The following PLCH2 variants were observed in gnomAD, a reference collection of about 807,000 sequenced individuals.
PLCH2 encodes phospholipase C eta 2.
PLCH2 carries 98 observed loss-of-function variants against 134.7 expected under a neutral mutation model. The observed-to-expected ratio is 0.73, with a 90% CI of 0.62 to 0.86. The LOEUF is 0.86. Among genes scored for constraint, PLCH2 ranks in the 40% least tolerant of loss-of-function variants. PLCH2 has a pLI of 0.00. For missense variants in PLCH2, 1,994 were observed against 1,986.6 expected (o/e 1.00, Z -0.07); for synonymous variants, 974 against 827.5 (o/e 1.18, Z -3.04).
At chr1:2,435,284 G>A (rs1639276658) in intron 2 of PLCH2, among the ~76,000 whole-genome samples, 1 of 152,200 alleles carries the variant, frequency 6.6e-6, no homozygotes, top group Non-Finnish European at 1.5e-5. Context: ...TGGGGGGTGG[G>A]GCCCGGTTGC....
intron 2 of PLCH2, among the ~76,000 whole-genome samples, chr1:2,433,860 C>T (rs901075075): frequency 1.1e-4 from 16 of 152,248 alleles, no homozygotes; most frequent in African/African-American, 2.9e-4. Context: ...ACTCCCTCCA[C>T]GGATGTGCCC....
the PLCH2 span, among the ~76,000 whole-genome samples, chr1:2,416,839 G>A: frequency 3.0e-4 from 45 of 152,166 alleles, no homozygotes; most frequent in Admixed American, 2.9e-3. Flanking sequence ...CAGGTGGTCC[G>A]GGGCTCTGCC....
chr1:2,503,964 G>A lies in PLCH2; in HGVS notation c.3002G>A (p.Cys1001Tyr), dbSNP rs1291358331. 6.7e-7 allele frequency: 1 copy of A among 1,485,156 alleles called. No homozygotes were observed. Among genetic ancestry groups the A allele is most frequent in the African/African-American group, 1.4e-5 (1 of 69,208 alleles). The allele number at this position is 1,485,156 out of a possible 1,614,324, so 92.0% of individuals were successfully genotyped here. Residue 1001 changes from cysteine to tyrosine, a missense_variant, in exon 22 of 22, where the codon TGC (cysteine) becomes TAC (tyrosine). Transcript: ENST00000378486. ...ACGCAGCGGCCACTCCCCCCACTGT[G>A]CAGCCTGGAAACCATCGCTGAGGAG... is the stretch of plus-strand genomic sequence containing the variant. ...LSTQRPLPPL[C>Y]SLETIAEEPA...
At chr1:2,475,269 G>C (rs1459103468), upstream of PLCH2, among the ~76,000 whole-genome samples, 4 of 152,358 alleles carry the variant, frequency 2.6e-5, 1 homozygote, top group South Asian at 8.3e-4. Flanking sequence ...TCCTCCCCTG[G>C]TATGGGGGGA....
At chr1:2,473,034 C>T (rs556302997), upstream of PLCH2, among the ~76,000 whole-genome samples, 32 of 152,232 alleles carry the variant, frequency 2.1e-4, no homozygotes, top group South Asian at 1.0e-3. Context: ...TGATGACAGC[C>T]GCGAGGCCCA....
At chr1:2,464,125 T>C (rs1458886709), upstream of PLCH2, among the ~76,000 whole-genome samples, 1 of 152,176 alleles carries the variant, frequency 6.6e-6, no homozygotes, top group East Asian at 1.9e-4. Context: ...CGGCACAGGG[T>C]GCTGCCCACT....
At chr1:2,499,929 GC>G (rs1461363216) in intron 20 of PLCH2, 1 of 609,172 alleles carries the variant, frequency 1.6e-6, no homozygotes, top group African/African-American at 1.8e-5. Context: ...TGATCTCAGG[GC>G]TGGCTTTGGG....
At chr1:2,455,849 C>G (rs898107025) in intron 2 of PLCH2, among the ~76,000 whole-genome samples, 12 of 152,228 alleles carry the variant, frequency 7.9e-5, no homozygotes, top group African/African-American at 2.9e-4. Flanking sequence ...TCTTCACCCT[C>G]CATACCTGTT....
chr1:2,504,184 C>G lies in PLCH2; in HGVS notation c.3222C>G (p.Ser1074Arg). ...GGGCATACGAGAGGGCCCCCGGCAG[C>G]CAGACGGACGGCAGGAGCCAGCCCC... is the stretch of plus-strand genomic sequence containing the variant. ...AGGAYERAPG[S>R]QTDGRSQPRT... Residue 1074 changes from serine (S) to arginine (R), a missense_variant, in exon 22 of 22, where the codon AGC (serine) becomes AGG (arginine). Physicochemically the swap from Ser to Arg is moderately radical, Grantham distance 110. This residue lies in a region of PLCH2 where 900 missense variants were observed against 752.3 expected (regional missense o/e 1.20). Coordinates refer to ENST00000378486, the MANE Select transcript of PLCH2 (RefSeq NM_014638.4). 6.5e-7 allele frequency: 1 copy of G among 1,542,306 alleles called. No individual in the cohort carries two copies. Among genetic ancestry groups the G allele is most frequent in the Non-Finnish European group, 8.7e-7 (1 of 1,145,108 alleles).
At chr1:2,424,847 A>G (rs536026401), upstream of PLCH2, among the ~76,000 whole-genome samples, 61 of 152,250 alleles carry the variant, frequency 4.0e-4, no homozygotes, top group Non-Finnish European at 5.3e-4. Context: ...TTAGCTGGGC[A>G]TGGTGGCGGG....
rs543573414 is a variant in PLCH2 at position 2,451,010 on chromosome 1, C to T, written c.115+20381C>T. ...GGACCCCCGCCTGTGCTAGGGATGT[C>T]GGCTCCCAGGACACAGCCCTGGCCC... is the stretch of plus-strand genomic sequence containing the variant. On this transcript the variant is annotated intron_variant, in intron 2 of 3. Coordinates refer to the PLCH2 transcript ENST00000609981. Among the ~76,000 whole-genome samples, 17 of 152,084 alleles carry T rather than the reference C, an allele frequency of 1.1e-4. No homozygotes were observed. The South Asian group carries it at 2.1e-3, about 19-fold the overall frequency.
rs762250204 is a variant in PLCH2, at chr1:2,491,251, C to T, written c.1575C>T (p.Ile525=). 1 of 1,613,294 alleles carries T rather than the reference C, an allele frequency of 6.2e-7. No individual in the cohort carries two copies. The highest frequency in any genetic ancestry group is 8.5e-7 in the Non-Finnish European group (1 of 1,179,798). ...NTAKRKLDSL[I]KESKIRDCED... is the part of the protein sequence containing the mutation. ...CTAAGAGGAAACTGGATTCCCTCAT[C>T]AAAGAGTCGAAGATTCGGGACTGTG... Residue 525 remains isoleucine, a synonymous_variant, in exon 11 of 22, where the codon ATC becomes ATT. Transcript: ENST00000378486.
At chr1:2,462,984 G>A (rs1263848345), upstream of PLCH2, among the ~76,000 whole-genome samples, 4 of 152,214 alleles carry the variant, frequency 2.6e-5, no homozygotes, top group Non-Finnish European at 5.9e-5. Context: ...TCGCTTTGAT[G>A]TTGAATAATT....
Position 2,432,758 on chromosome 1 carries a change from C to T in PLCH2, c.115+2129C>T, listed in dbSNP as rs76020145. ...CCAGAGGTGGAGGGTCAGAGCCCGCCGTGCAGGCTTGCCTGGACGGACACC... is the reference window on the plus strand; with the variant it reads ...CCAGAGGTGGAGGGTCAGAGCCCGCTGTGCAGGCTTGCCTGGACGGACACC... On this transcript the variant is annotated intron_variant, in intron 2 of 3. Coordinates refer to the PLCH2 transcript ENST00000609981. 2.6e-3 allele frequency among the ~76,000 whole-genome samples: 389 copies of T among 152,282 alleles called. 3 individuals carry two copies. Among genetic ancestry groups the T allele is most frequent in the Non-Finnish European group, 4.5e-3 (305 of 68,008 alleles).
upstream of PLCH2, among the ~76,000 whole-genome samples, chr1:2,425,554 C>T (rs572132040): frequency 5.3e-5 from 8 of 152,274 alleles, no homozygotes; most frequent in South Asian, 2.1e-4. Context: ...GCCTCTGTTG[C>T]CAAGGTTGGA....
chr1:2,478,572 A>G lies in PLCH2; in HGVS notation c.221A>G (p.His74Arg), dbSNP rs748006028. The G allele has an allele frequency of 6.2e-7, 1 of 1,612,388 alleles. No homozygotes were observed. The highest frequency in any genetic ancestry group is 1.7e-5 in the Admixed American group (1 of 59,948). The change falls in exon 2 of 22, where the codon CAC becomes CGC. Residue 74 changes from histidine (H) to arginine (R), a missense_variant. By Grantham distance (29) the His-to-Arg change is conservative. Transcript: ENST00000378486. ...GTCCGCTTCTACTACCTGGACGAGC[A>G]CCGCTCCTGCATCCGCTGGAGGCCC... ...GLVRFYYLDE[H>R]RSCIRWRPSR... is the part of the protein sequence containing the mutation.
At chr1:2,443,163 G>A (rs575765827) in intron 2 of PLCH2, among the ~76,000 whole-genome samples, 11 of 152,322 alleles carry the variant, frequency 7.2e-5, no homozygotes, top group African/African-American at 2.4e-4. Context: ...TGGGCTGGCC[G>A]CCCGATGGGA....
At chr1:2,487,758 G>A (rs777882026) in intron 8 of PLCH2, 40 bp downstream of exon 8, 70 of 1,596,226 alleles carry the variant, frequency 4.4e-5, no homozygotes, top group Non-Finnish European at 5.8e-5. Flanking sequence ...CCAGAGGTGG[G>A]CAGGGTAGGG....
At chr1:2,452,866 G>A (rs537915304) in intron 2 of PLCH2, among the ~76,000 whole-genome samples, 27 of 152,344 alleles carry the variant, frequency 1.8e-4, no homozygotes, top group East Asian at 1.4e-3. Flanking sequence ...TTTGTTGCCC[G>A]GAGCTCAGCA....
Sources: allele counts gnomAD v4.1 joint callset (sites outside exome capture counted in the v4.1 genomes callset), GRCh38; gene constraint gnomAD v4.1.1; regional missense constraint gnomAD v4.1.1; transcripts MANE v1.5; gene names NCBI Gene and HGNC (gene_info 2026-07-23, HGNC 2026-07-21).